Variants in TRHDE observed in about 807,000 individuals in gnomAD.
The protein encoded by TRHDE is thyrotropin releasing hormone degrading enzyme.
A neutral mutation model predicts 125.7 loss-of-function variants in TRHDE; 72 were observed. That is an observed-to-expected ratio of 0.57 (90% confidence interval 0.47 to 0.70). The LOEUF (loss-of-function observed/expected upper bound fraction) is 0.70, where lower values mean the gene tolerates loss of function less well. TRHDE is among the 30% of genes least tolerant of loss of function. The pLI is 0.00. For synonymous variants in TRHDE, 509 were observed against 509.1 expected, an observed-to-expected ratio of 1.00 and a Z score of 0.00; for missense variants, 1,110 against 1,327.1, an observed-to-expected ratio of 0.84 and a Z score of 2.54.
chr12:72,580,927 G>C (rs578003391), intron 12 of TRHDE, among the ~76,000 whole-genome samples: 6 of 152,108 alleles, frequency 3.9e-5, no homozygotes, highest in Non-Finnish European at 8.8e-5. Context: ...GCATTAAGGA[G>C]TAAAGAATTA....
At chr12:72,625,854 T>A (rs1468544135) in intron 15 of TRHDE, among the ~76,000 whole-genome samples, 2 of 151,922 alleles carry the variant, frequency 1.3e-5, no homozygotes, top group Non-Finnish European at 2.9e-5. Context: ...GTAAGATACA[T>A]TAGTTCAAAT....
intron 12 of TRHDE, among the ~76,000 whole-genome samples, chr12:72,607,224 C>G (rs964959991): frequency 1.3e-5 from 2 of 152,158 alleles, no homozygotes; most frequent in African/African-American, 4.8e-5. Flanking sequence ...ATGTGTTCCT[C>G]TGTCCCCTCT....
intron 3 of TRHDE, among the ~76,000 whole-genome samples, chr12:72,455,560 G>T (rs1875803193): frequency 6.6e-6 from 1 of 151,902 alleles, no homozygotes; most frequent in African/African-American, 2.4e-5. Flanking sequence ...ATCTTTAATG[G>T]ATGGATTTAT....
At chr12:72,418,670 G>A (rs931422284) in intron 3 of TRHDE, among the ~76,000 whole-genome samples, 4 of 151,918 alleles carry the variant, frequency 2.6e-5, no homozygotes, top group African/African-American at 9.7e-5. Flanking sequence ...AGCTTTCATC[G>A]GAGGTACTCA....
intron 2 of TRHDE, among the ~76,000 whole-genome samples, chr12:72,324,662 G>A (rs1869255638): frequency 6.6e-6 from 1 of 152,096 alleles, no homozygotes; most frequent in Admixed American, 6.6e-5. Context: ...GTTCTGTGGA[G>A]AAATTAGAGT....
Position 72,466,893 on chromosome 12 carries a change from C to A in TRHDE, c.1316-2865C>A, listed in dbSNP as rs560797036. Among the ~76,000 whole-genome samples, 3 of 152,248 alleles carry A rather than the reference C, an allele frequency of 2.0e-5. No individual in the cohort carries two copies. In the South Asian group the frequency reaches 6.2e-4, roughly 32 times the overall value. On this transcript the variant is annotated intron_variant, in intron 3 of 18. Transcript: ENST00000261180. ...TTTATCATTTACTAATTTTCTCATT[C>A]ATTTATTACTTGTTAATTGACGTCC...
chr12:72,603,000 A>G (rs962349158), intron 12 of TRHDE, among the ~76,000 whole-genome samples: 2 of 152,202 alleles, frequency 1.3e-5, no homozygotes, highest in East Asian at 1.9e-4. Context: ...AGCAATAGCC[A>G]TAACAACAGA....
At chr12:72,400,279 A>C (rs1274524789) in intron 3 of TRHDE, among the ~76,000 whole-genome samples, 5 of 152,150 alleles carry the variant, frequency 3.3e-5, no homozygotes, top group African/African-American at 1.2e-4. Flanking sequence ...TAATATTAAA[A>C]TTATTCCTTG....
intron 3 of TRHDE, among the ~76,000 whole-genome samples, chr12:72,396,985 T>C (rs545948334): frequency 1.3e-5 from 2 of 152,220 alleles, no homozygotes; most frequent in African/African-American, 2.4e-5. Flanking sequence ...GCCACCTGTA[T>C]GCTGATGCAT....
At chr12:72,430,080 C>T (rs1874378307) in intron 3 of TRHDE, among the ~76,000 whole-genome samples, 1 of 151,036 alleles carries the variant, frequency 6.6e-6, no homozygotes. Flanking sequence ...AAGGTTTTGC[C>T]TAACTCAAGG....
rs561161464 is a variant in TRHDE, at chr12:72,507,199, T to C, written c.1722+7564T>C. ...CTACACAGTCTTAGGTAATTCTTTA[T>C]AGCAATGTGAGAACTAATACAGAAA... On this transcript the variant is annotated intron_variant, in intron 6 of 18. Coordinates refer to ENST00000261180, the MANE Select transcript of TRHDE (RefSeq NM_013381.3). Among the ~76,000 whole-genome samples, 3 of 152,270 alleles carry C rather than the reference T, an allele frequency of 2.0e-5. No individual in the cohort carries two copies. The East Asian group carries it at 5.8e-4, about 29-fold the overall frequency.
In TRHDE at chr12:72,665,360, C is replaced by G. The variant is rs533306054; in HGVS notation, c.*2165C>G. 4 of 152,386 alleles carry G rather than the reference C, an allele frequency of 2.6e-5. No homozygotes were observed. Among genetic ancestry groups the G allele is most frequent in the Non-Finnish European group, 5.9e-5 (4 of 67,952 alleles). The allele number at this position is 152,386 out of a possible 1,614,324, so 9.4% of individuals were successfully genotyped here. On this transcript the variant is annotated 3_prime_UTR_variant, in exon 19 of 19. Coordinates refer to ENST00000261180, the MANE Select transcript of TRHDE (RefSeq NM_013381.3). ...TCAGTATTTTAGTGGCCTTGAACAA[C>G]TGGTTTATCTACAATCTCAAATCCT...
intron 12 of TRHDE, among the ~76,000 whole-genome samples, chr12:72,606,178 G>T (rs1181953565): frequency 6.6e-6 from 1 of 152,194 alleles, no homozygotes; most frequent in East Asian, 1.9e-4. Flanking sequence ...TTGTATGTGG[G>T]ATTCTCATCA....
At chr12:72,230,886 T>C (rs1878233530) in intron 2 of TRHDE, among the ~76,000 whole-genome samples, 1 of 152,192 alleles carries the variant, frequency 6.6e-6, no homozygotes, top group African/African-American at 2.4e-5. Flanking sequence ...GCAAACATAC[T>C]GTTACTATGA....
chr12:72,326,914 T>C lies in TRHDE; in HGVS notation c.1188+39960T>C, dbSNP rs536691329. ...AGTGGCAGTAGCTTTGGGACTCTTA[T>C]TCGGGAACTGCTGAGCTAGATGATT... On this transcript the variant is annotated intron_variant, in intron 2 of 18. Coordinates refer to ENST00000261180, the MANE Select transcript of TRHDE (RefSeq NM_013381.3). Among the ~76,000 whole-genome samples, 4 of 152,312 alleles carry C rather than the reference T, an allele frequency of 2.6e-5. No homozygotes were observed. In the South Asian group the frequency reaches 8.3e-4, roughly 32 times the overall value.
intron 2 of TRHDE, among the ~76,000 whole-genome samples, chr12:72,109,910 C>T (rs924124253): frequency 6.6e-6 from 1 of 152,094 alleles, no homozygotes; most frequent in Non-Finnish European, 1.5e-5. Context: ...ACACAGGCAT[C>T]TCTGTGCAGT....
intron 2 of TRHDE, among the ~76,000 whole-genome samples, chr12:72,292,247 G>T (rs1208162335): frequency 1.3e-5 from 2 of 152,148 alleles, no homozygotes; most frequent in Non-Finnish European, 2.9e-5. Context: ...CTCACCCTTG[G>T]CTTCATCCTT....
chr12:72,655,649 A>G (rs933436141), intron 17 of TRHDE, among the ~76,000 whole-genome samples: 1 of 152,138 alleles, frequency 6.6e-6, no homozygotes, highest in Non-Finnish European at 1.5e-5. Context: ...TAGCTCTTCA[A>G]GTGGATAGTA....
At chr12:72,235,248 A>T (rs1365650352) in intron 2 of TRHDE, among the ~76,000 whole-genome samples, 1 of 152,164 alleles carries the variant, frequency 6.6e-6, no homozygotes. Context: ...AATGAGGTTT[A>T]TTTTATTGAT....
Sources: allele counts gnomAD v4.1 joint callset (sites outside exome capture counted in the v4.1 genomes callset), GRCh38; gene constraint gnomAD v4.1.1; transcripts MANE v1.5; gene names NCBI Gene and HGNC (gene_info 2026-07-23, HGNC 2026-07-21).